SLC1A3: variants seen among roughly 807,000 people sequenced by gnomAD.
SLC1A3 encodes the protein excitatory amino acid transporter 1.
Under a neutral mutation model 48.1 loss-of-function variants are expected in SLC1A3, and 21 were observed. The ratio of observed to expected loss-of-function variants is 0.44; its 90% CI spans 0.31 to 0.63. SLC1A3 has a LOEUF of 0.63. Ranked by LOEUF, SLC1A3 falls within the 20% of genes least tolerant of loss-of-function variation. The probability of loss-of-function intolerance (pLI) is 0.08; values close to 1 mark genes in which losing one functional copy is unlikely to be tolerated. For synonymous variants in SLC1A3, 239 were observed against 251.4 expected, an observed-to-expected ratio of 0.95 and a Z score of 0.47; for missense variants, 546 against 689.0, an observed-to-expected ratio of 0.79 and a Z score of 2.32.
chr5:36,627,139 A>G (rs1331272519), intron 2 of SLC1A3, among the ~76,000 whole-genome samples: 3 of 152,184 alleles, frequency 2.0e-5, no homozygotes, highest in African/African-American at 7.2e-5. Context: ...TTATATAAAA[A>G]TAATCTACCC....
intron 3 of SLC1A3, among the ~76,000 whole-genome samples, chr5:36,663,127 T>C (rs764099999): frequency 3.9e-4 from 59 of 152,214 alleles, no homozygotes; most frequent in Non-Finnish European, 7.8e-4. Context: ...AATAATACTG[T>C]CTTCGCCACT....
chr5:36,679,515 A>T (rs1205220182), intron 6 of SLC1A3, 112 bp from the exon 7 acceptor site: 17 of 790,414 alleles, frequency 2.2e-5, no homozygotes, highest in Non-Finnish European at 3.7e-5. Context: ...TATCCTGGGC[A>T]GGAAAGTTTG....
intron 3 of SLC1A3, chr5:36,667,678 C>T (rs1053367250): frequency 6.6e-6 from 1 of 152,116 alleles, no homozygotes; most frequent in African/African-American, 2.4e-5. Context: ...TAGGACTTAG[C>T]GAGTGAGTCT....
chr5:36,684,910 T>C (rs151205496), intron 9 of SLC1A3, among the ~76,000 whole-genome samples: 170 of 152,280 alleles, frequency 1.1e-3, no homozygotes, highest in Non-Finnish European at 1.9e-3. Context: ...TACTGCAAGA[T>C]TCAGTGCAAT....
chr5:36,605,853 T>A (rs1270798698), upstream of SLC1A3, among the ~76,000 whole-genome samples: 1 of 152,226 alleles, frequency 6.6e-6, no homozygotes, highest in Non-Finnish European at 1.5e-5. Context: ...GGAGAACATT[T>A]AGCATCCTTT....
chr5:36,686,133 CACG>C lies in SLC1A3; in HGVS notation c.1496_1498del (p.Arg499del). On this transcript the variant is annotated inframe_deletion, in exon 10 of 10. Coordinates refer to ENST00000265113, the MANE Select transcript of SLC1A3 (RefSeq NM_004172.5). ...GGAGCTGGGATTGTGGAGCACTTGT[CACG>C]ACATGAACTGAAGAACAGAGATGTT... The C allele has an allele frequency of 6.2e-7, 1 of 1,614,156 alleles. No homozygotes were observed. The highest frequency in any genetic ancestry group is 8.5e-7 in the Non-Finnish European group (1 of 1,179,996).
intron 3 of SLC1A3, among the ~76,000 whole-genome samples, chr5:36,640,450 T>C (rs539489527): frequency 3.3e-5 from 5 of 152,350 alleles, no homozygotes; most frequent in African/African-American, 1.2e-4. Context: ...GACTGCCTCA[T>C]ATGGGGATAT....
intron 3 of SLC1A3, among the ~76,000 whole-genome samples, chr5:36,661,038 C>G (rs1395025993): frequency 1.3e-5 from 2 of 152,192 alleles, no homozygotes; most frequent in African/African-American, 4.8e-5. Flanking sequence ...TTTGCACACT[C>G]TTTTTACTGG....
At position 36,648,452 on chromosome 5, in the gene SLC1A3, T is replaced by A. The variant is rs1347016526; in HGVS notation, c.319+18865T>A. Among the ~76,000 whole-genome samples the A allele has an allele frequency of 2.0e-5, 3 of 152,352 alleles. No individual in the cohort carries two copies. In the East Asian group the frequency reaches 5.8e-4, roughly 29 times the overall value. ...AGTCAGACCTTGTACAACTTAAAAA[T>A]GCATTCTGTCCCACGTTTCATGCTG... On this transcript the variant is annotated intron_variant, in intron 3 of 9. Transcript: ENST00000265113.
At position 36,671,130 on chromosome 5, in the gene SLC1A3, A is replaced by G. The variant is rs777287247; in HGVS notation, c.421A>G (p.Ile141Val). The part of the protein sequence containing the change: ...TIIAVVIGII[I>V]VIIIHPGKGT... ...CATTGCTGTGGTGATTGGCATAATC[A>G]TTGTCATCATCATCCATCCTGGGAA... The change falls in exon 4 of 10, where the codon ATT becomes GTT. Residue 141 changes from isoleucine to valine, a missense_variant. Physicochemically the swap from Ile to Val is conservative, Grantham distance 29 (BLOSUM62 3). This residue lies in a region of SLC1A3 where 348 missense variants were observed against 392.0 expected (regional missense o/e 0.89). Coordinates refer to ENST00000265113, the MANE Select transcript of SLC1A3 (RefSeq NM_004172.5). 1 of 1,613,922 alleles carries G rather than the reference A, an allele frequency of 6.2e-7. No individual in the cohort carries two copies. Among genetic ancestry groups the G allele is most frequent in the Non-Finnish European group, 8.5e-7 (1 of 1,179,816 alleles).
intron 2 of SLC1A3, among the ~76,000 whole-genome samples, chr5:36,627,915 T>C (rs776864074): frequency 9.9e-5 from 15 of 152,184 alleles, no homozygotes; most frequent in Non-Finnish European, 2.1e-4. Flanking sequence ...CCTCAGTAAG[T>C]TAGTGGTAAA....
intron 2 of SLC1A3, among the ~76,000 whole-genome samples, chr5:36,621,617 C>T (rs919376736): frequency 6.6e-6 from 1 of 152,092 alleles, no homozygotes; most frequent in Admixed American, 6.5e-5. Flanking sequence ...TTGGAGCCTT[C>T]TTCATTTACA....
chr5:36,600,633 C>A (rs1305679471), intron 1 of SLC1A3, among the ~76,000 whole-genome samples: 1 of 152,180 alleles, frequency 6.6e-6, no homozygotes, highest in Admixed American at 6.5e-5. Flanking sequence ...TTTGCTTCTT[C>A]TATGACTCAA....
At chr5:36,624,907 A>G (rs1369147751) in intron 2 of SLC1A3, among the ~76,000 whole-genome samples, 1 of 152,234 alleles carries the variant, frequency 6.6e-6, no homozygotes, top group Admixed American at 6.5e-5. Flanking sequence ...CTTACAGGAC[A>G]TGTGTAGGAG....
chr5:36,608,158 C>T lies in SLC1A3; in HGVS notation c.-95-171C>T, dbSNP rs933495567. The T allele has an allele frequency of 1.6e-5, 7 of 435,730 alleles. No individual in the cohort carries two copies. The East Asian group carries it at 2.6e-4, about 16-fold the overall frequency. 27.0% of individuals were successfully genotyped at this position (435,730 alleles called of 1,614,324 possible). ...TCCGAATTTATGCACATTTCTCACA[C>T]GTGGTCCACTAAAATATGCACACTG... On this transcript the variant is annotated intron_variant, in intron 1 of 9. Transcript: ENST00000265113.
rs1290342061 is a variant in SLC1A3, at chr5:36,679,688, G to C, written c.922G>C (p.Gly308Arg). The C allele has an allele frequency of 1.9e-6, 3 of 1,613,994 alleles. No individual in the cohort carries two copies. Among genetic ancestry groups the C allele is most frequent in the Admixed American group, 3.3e-5 (2 of 59,992 alleles). Reference sequence around the variant, plus strand: ...GAAGATTGTGGAGATGGAAGACATGGGTGTGATTGGGGGGCAGCTTGCCAT... The same window carrying C: ...GAAGATTGTGGAGATGGAAGACATGCGTGTGATTGGGGGGCAGCTTGCCAT... ...AGKIVEMEDM[G>R]VIGGQLAMYT... Residue 308 changes from glycine (G) to arginine (R), a missense_variant, in exon 7 of 10, where the codon GGT (glycine) becomes CGT (arginine). Physicochemically the swap from Gly to Arg is moderately radical, Grantham distance 125. Around this residue, in one of 3 missense-constraint regions of SLC1A3, gnomAD observed 348 missense variants for 392.0 expected, o/e 0.89. Transcript: ENST00000265113.
Position 36,687,162 on chromosome 5 carries a change from C to A in SLC1A3, c.*893C>A, listed in dbSNP as rs1323770306. 1 of 152,376 alleles carries A rather than the reference C, an allele frequency of 6.6e-6. No homozygotes were observed. Among genetic ancestry groups the A allele is most frequent in the Middle Eastern group, 3.4e-3 (1 of 294 alleles). 9.4% of individuals were successfully genotyped at this position (152,376 alleles called of 1,614,324 possible). ...GTGGGATTATTCATCAAACTCTTTG[C>A]CCAGTTCATCCCAATGGGGGAAGTA... On this transcript the variant is annotated 3_prime_UTR_variant, in exon 10 of 10. Coordinates refer to ENST00000265113, the MANE Select transcript of SLC1A3 (RefSeq NM_004172.5).
intron 6 of SLC1A3, among the ~76,000 whole-genome samples, chr5:36,677,868 C>T (rs1247392495): frequency 6.6e-6 from 1 of 152,136 alleles, no homozygotes; most frequent in Non-Finnish European, 1.5e-5. Context: ...CTGTTTCAGC[C>T]CTAAGAAAGA....
At position 36,663,380 on chromosome 5, in the gene SLC1A3, A is replaced by ATTTTTT. The variant is rs1156283585; in HGVS notation, c.320-7629_320-7624dup. ...ACAGGCATGCTCCACCACGCCCGGC[A>ATTTTTT]TTTTTTTTTTTTTTTTTTTTTTTTT... On this transcript the variant is annotated intron_variant, in intron 3 of 9. Transcript: ENST00000265113. 1.2e-3 allele frequency among the ~76,000 whole-genome samples: 86 copies of ATTTTTT among 69,334 alleles called. No individual in the cohort carries two copies. In the Middle Eastern group the frequency reaches 0.038, roughly 31 times the overall value. 45.5% of individuals were successfully genotyped at this position (69,334 alleles called of 152,430 possible).
Sources: allele counts gnomAD v4.1 joint callset (sites outside exome capture counted in the v4.1 genomes callset), GRCh38; gene constraint gnomAD v4.1.1; regional missense constraint gnomAD v4.1.1; transcripts MANE v1.5; gene names NCBI Gene and HGNC (gene_info 2026-07-23, HGNC 2026-07-21).